CHN2: variants seen among roughly 807,000 people sequenced by gnomAD.
The protein encoded by CHN2 is beta-chimaerin.
Under a neutral mutation model 56.3 loss-of-function variants are expected in CHN2, and 35 were observed. That is an observed-to-expected ratio of 0.62 (90% confidence interval 0.47 to 0.82). The LOEUF is 0.82. Ranked by LOEUF, CHN2 falls within the 40% of genes least tolerant of loss-of-function variation. The pLI is 0.00. For synonymous variants in CHN2, 210 were observed against 212.8 expected, an observed-to-expected ratio of 0.99 and a Z score of 0.12; for missense variants, 491 against 580.5, an observed-to-expected ratio of 0.85 and a Z score of 1.58.
intron 6 of CHN2, among the ~76,000 whole-genome samples, chr7:29,469,568 G>A (rs1460572149): frequency 6.6e-6 from 1 of 152,064 alleles, no homozygotes; most frequent in Non-Finnish European, 1.5e-5. Context: ...GGCCTTGCAT[G>A]TGCTGTACCC....
rs115847506 is a variant in CHN2 at position 29,167,689 on chromosome 7, A to G, written c.274+20729A>G. ...CACCAATATTTGGTTTTGTCAGACT[A>G]TATAGTTTTGCCAATCTGATAGAAA... is the stretch of plus-strand genomic sequence containing the variant. On this transcript the variant is annotated intron_variant, in intron 2 of 6. Transcript: ENST00000439384. 6.1e-3 allele frequency among the ~76,000 whole-genome samples: 926 copies of G among 152,308 alleles called. 11 individuals carry two copies. Among genetic ancestry groups the G allele is most frequent in the African/African-American group, 0.021 (880 of 41,586 alleles).
At chr7:29,448,350 G>T (rs1023015629) in intron 6 of CHN2, among the ~76,000 whole-genome samples, 2 of 151,848 alleles carry the variant, frequency 1.3e-5, no homozygotes, top group Non-Finnish European at 2.9e-5. Flanking sequence ...TGATTTCTTA[G>T]TCGTTGGAAA....
chr7:29,412,592 G>T (rs551809694), intron 6 of CHN2, among the ~76,000 whole-genome samples: 1 of 152,166 alleles, frequency 6.6e-6, no homozygotes, highest in Non-Finnish European at 1.5e-5. Flanking sequence ...GCTTCCCAAA[G>T]TGCTGGGATT....
intron 6 of CHN2, among the ~76,000 whole-genome samples, chr7:29,477,052 T>C (rs1786667543): frequency 6.6e-6 from 1 of 152,192 alleles, no homozygotes; most frequent in Non-Finnish European, 1.5e-5. Context: ...GGAGCTGTCC[T>C]TGAGGAGCTG....
chr7:29,398,385 C>A lies in CHN2; in HGVS notation c.189C>A (p.Ile63=). The change falls in exon 5 of 13, where the codon ATC becomes ATA. Residue 63 remains isoleucine, a synonymous_variant. Coordinates refer to ENST00000222792, the MANE Select transcript of CHN2 (RefSeq NM_004067.4). ...PKYYGREFHG[I]ISREQADELL... is the part of the protein sequence containing the mutation. ...CTTGTACCTTCAGGTTTCATGGGAT[C>A]ATCTCTCGGGAGCAGGCGGATGAGC... The A allele has an allele frequency of 6.2e-7, 1 of 1,612,698 alleles. No homozygotes were observed. Among genetic ancestry groups the A allele is most frequent in the Non-Finnish European group, 8.5e-7 (1 of 1,179,458 alleles).
intron 9 of CHN2, among the ~76,000 whole-genome samples, chr7:29,500,571 G>A (rs895942748): frequency 3.3e-5 from 5 of 152,270 alleles, no homozygotes; most frequent in African/African-American, 4.8e-5. Flanking sequence ...GCAATCAGGG[G>A]AGCAAATAAA....
chr7:29,303,120 C>T (rs759684510), intron 1 of CHN2, among the ~76,000 whole-genome samples: 1 of 152,174 alleles, frequency 6.6e-6, no homozygotes, highest in African/African-American at 2.4e-5. Context: ...TTGATGCTGG[C>T]GTCTGTTTCC....
At chr7:29,274,539 C>T (rs1395518392) in intron 1 of CHN2, among the ~76,000 whole-genome samples, 1 of 152,166 alleles carries the variant, frequency 6.6e-6, no homozygotes, top group Non-Finnish European at 1.5e-5. Context: ...TTAATCAAGA[C>T]AGTGGCTGAG....
chr7:29,481,657 C>T (rs1192495153), intron 7 of CHN2, among the ~76,000 whole-genome samples: 1 of 60,900 alleles, frequency 1.6e-5, no homozygotes, highest in Non-Finnish European at 3.3e-5. Flanking sequence ...AAATGCCTCC[C>T]GTTTTTTTTT....
chr7:29,431,654 C>T (rs968510432), intron 6 of CHN2, among the ~76,000 whole-genome samples: 11 of 152,176 alleles, frequency 7.2e-5, no homozygotes, highest in Admixed American at 2.6e-4. Context: ...TCTGCTAAAC[C>T]GGACAGTGAA....
Position 29,434,388 on chromosome 7 carries a change from T to C in CHN2, c.576+33560T>C, listed in dbSNP as rs532767728. ...CTTAGAACAACAGACCTTTTTTTTT[T>C]TTCTTCTCAATTCTGGAGGTGGTAA... On this transcript the variant is annotated intron_variant, in intron 6 of 12. Coordinates refer to ENST00000222792, the MANE Select transcript of CHN2 (RefSeq NM_004067.4). Among the ~76,000 whole-genome samples, 311 of 152,152 alleles carry C rather than the reference T, an allele frequency of 2.0e-3. 1 individual carries two copies. The highest frequency in any genetic ancestry group is 0.018 in the South Asian group (85 of 4,794).
intron 7 of CHN2, among the ~76,000 whole-genome samples, chr7:29,493,027 T>C (rs547352705): frequency 5.3e-5 from 8 of 152,346 alleles, no homozygotes; most frequent in African/African-American, 1.9e-4. Flanking sequence ...TAACAATATT[T>C]AGGTCAAGAA....
chr7:29,480,391 A>G (rs1381354652), intron 7 of CHN2, 35 bp downstream of exon 7: 14 of 1,596,472 alleles, frequency 8.8e-6, no homozygotes, highest in Non-Finnish European at 1.2e-5. Context: ...TTCTGTTACA[A>G]AAGGGCAGGT....
At chr7:29,259,270 T>A (rs117963805) in intron 1 of CHN2, among the ~76,000 whole-genome samples, 3,944 of 151,630 alleles carry the variant, frequency 0.026, 71 homozygotes, top group Non-Finnish European at 0.037. Context: ...AAGGCTGTAG[T>A]GAGCCAAGAT....
intron 10 of CHN2, 57 bp from the exon 11 acceptor site, chr7:29,507,171 A>G: frequency 7.1e-7 from 1 of 1,414,900 alleles, no homozygotes; most frequent in Non-Finnish European, 9.5e-7. Flanking sequence ...TCCTTTCTGT[A>G]CATGCCTTGG....
chr7:29,217,186 T>A (rs569134167), intron 1 of CHN2, among the ~76,000 whole-genome samples: 22 of 152,314 alleles, frequency 1.4e-4, no homozygotes, highest in African/African-American at 5.3e-4. Flanking sequence ...GAAAATCTGG[T>A]TTGTGCATAT....
chr7:29,378,435 C>T (rs1320625233), intron 3 of CHN2, among the ~76,000 whole-genome samples: 3 of 152,154 alleles, frequency 2.0e-5, no homozygotes, highest in Admixed American at 6.5e-5. Context: ...CATGCTTTTT[C>T]GTCTAGCATA....
intron 2 of CHN2, among the ~76,000 whole-genome samples, chr7:29,161,842 C>G (rs184309878): frequency 6.6e-6 from 1 of 152,200 alleles, no homozygotes; most frequent in Admixed American, 6.5e-5. Flanking sequence ...AGAAAACAAT[C>G]TGATTTTTAA....
At chr7:29,480,129 T>C in intron 6 of CHN2, 150 bp from the exon 7 acceptor site, 1 of 1,556,922 alleles carries the variant, frequency 6.4e-7, no homozygotes, top group Non-Finnish European at 8.7e-7. Flanking sequence ...TGAAGAACTG[T>C]GGCTGGAAAA....
Sources: allele counts gnomAD v4.1 joint callset (sites outside exome capture counted in the v4.1 genomes callset), GRCh38; gene constraint gnomAD v4.1.1; transcripts MANE v1.5; gene names NCBI Gene and HGNC (gene_info 2026-07-23, HGNC 2026-07-21).